The following ZNF652 variants were observed in gnomAD, a reference collection of about 807,000 sequenced individuals.
The protein encoded by ZNF652 is zinc finger protein 652.
Under a neutral mutation model 45.2 loss-of-function variants are expected in ZNF652, and 16 were observed. The ratio of observed to expected loss-of-function variants is 0.35; its 90% confidence interval spans 0.24 to 0.54. The LOEUF is 0.54. ZNF652 is among the 20% of genes least tolerant of loss of function. ZNF652 has a pLI of 0.91. For synonymous variants in ZNF652, 250 were observed against 260.6 expected (o/e 0.96, Z 0.39); for missense variants, 614 against 765.6 (o/e 0.80, Z 2.34).
chr17:49,346,579 T>C (rs549673875), intron 1 of ZNF652, among the ~76,000 whole-genome samples: 1 of 152,160 alleles, frequency 6.6e-6, no homozygotes. Context: ...ACTATTCCTA[T>C]AGGGCCACAT....
intron 1 of ZNF652, among the ~76,000 whole-genome samples, chr17:49,345,558 T>A (rs904218005): frequency 1.3e-5 from 2 of 149,714 alleles, no homozygotes; most frequent in African/African-American, 2.4e-5. Flanking sequence ...AGAAATGAAG[T>A]AGGCCGGGCG....
chr17:49,356,158 T>C (rs2070333897), intron 1 of ZNF652, among the ~76,000 whole-genome samples: 1 of 151,968 alleles, frequency 6.6e-6, no homozygotes. Flanking sequence ...CCGGGCGCAG[T>C]GGCTCACACC....
chr17:49,345,861 G>C (rs900918731), intron 1 of ZNF652, among the ~76,000 whole-genome samples: 1 of 148,216 alleles, frequency 6.7e-6, no homozygotes, highest in African/African-American at 2.5e-5. Flanking sequence ...AAAAAGAAAT[G>C]AAGTAATCAA....
chr17:49,313,871 G>A (rs2069754121), intron 2 of ZNF652, among the ~76,000 whole-genome samples: 1 of 148,560 alleles, frequency 6.7e-6, no homozygotes, highest in Non-Finnish European at 1.5e-5. Flanking sequence ...TACTCAGGAG[G>A]CTGAGGCAGG....
At position 49,298,121 on chromosome 17, in the gene ZNF652, G is replaced by C. The variant is rs1197579322; in HGVS notation, c.*292C>G. On this transcript the variant is annotated 3_prime_UTR_variant, in exon 6 of 6. Transcript: ENST00000430262. Reference sequence around the variant, plus strand: ...GCAAGCATACCTCATCAGCTGATATGAAATTATAAAATTCCACAAGTCTGA... The same window carrying C: ...GCAAGCATACCTCATCAGCTGATATCAAATTATAAAATTCCACAAGTCTGA... 2 of 415,760 alleles carry C rather than the reference G, an allele frequency of 4.8e-6. No individual in the cohort carries two copies. The highest frequency in any genetic ancestry group is 2.0e-5 in the African/African-American group (1 of 49,110). The allele number at this position is 415,760 out of a possible 1,614,324, so 25.8% of individuals were successfully genotyped here.
chr17:49,301,010 C>T (rs993308376), intron 5 of ZNF652, among the ~76,000 whole-genome samples: 1 of 152,170 alleles, frequency 6.6e-6, no homozygotes, highest in Non-Finnish European at 1.5e-5. Flanking sequence ...ACTCAACATG[C>T]ATTTCTGCAC....
rs977652861 is a variant in ZNF652, at chr17:49,297,827, T to C, written c.*586A>G. Reference sequence around the variant, plus strand: ...AGAAACAGACTACCAAAGAAGTCTATACAAAAACTCTAAAATAATTTCTGT... The same window carrying C: ...AGAAACAGACTACCAAAGAAGTCTACACAAAAACTCTAAAATAATTTCTGT... On this transcript the variant is annotated 3_prime_UTR_variant, in exon 6 of 6. Transcript: ENST00000430262. 6.5e-6 allele frequency: 1 copy of C among 152,792 alleles called. No individual in the cohort carries two copies. The highest frequency in any genetic ancestry group is 1.5e-5 in the Non-Finnish European group (1 of 68,158). 9.5% of individuals were successfully genotyped at this position (152,792 alleles called of 1,614,324 possible). A position where few individuals can be genotyped will look rare whatever the true frequency, so the allele number is the denominator to read the frequency against.
intron 1 of ZNF652, among the ~76,000 whole-genome samples, chr17:49,350,971 A>ATGTGTG (rs1491360202): frequency 4.9e-3 from 70 of 14,246 alleles, no homozygotes; most frequent in Non-Finnish European, 3.8e-3. Context: ...CTCTGTCTAC[A>ATGTGTG]TATATATATA....
At position 49,317,637 on chromosome 17, in the gene ZNF652, C is replaced by T; in HGVS notation, c.89G>A (p.Gly30Asp). ...AGMAQEDSRR[G>D]QVPSSFYHGA... ...ATGATAAAAGGAAGATGGCACTTGA[C>T]CACGACGGCTATCTTCTTGTGCCAT... Residue 30 changes from glycine to aspartate, a missense_variant, in exon 2 of 6, where the codon GGT (glycine) becomes GAT (aspartate). Transcript: ENST00000430262. 3 of 1,613,974 alleles carry T rather than the reference C, an allele frequency of 1.9e-6. No individual in the cohort carries two copies. The highest frequency in any genetic ancestry group is 2.2e-5 in the South Asian group (2 of 91,080).
intron 5 of ZNF652, among the ~76,000 whole-genome samples, chr17:49,305,132 C>G (rs1428066148): frequency 6.6e-6 from 1 of 152,048 alleles, no homozygotes; most frequent in Non-Finnish European, 1.5e-5. Flanking sequence ...CTTGATTCTT[C>G]CCTTCTATGC....
At chr17:49,306,364 A>G (rs1031231994) in intron 5 of ZNF652, among the ~76,000 whole-genome samples, 1 of 152,270 alleles carries the variant, frequency 6.6e-6, no homozygotes, top group Non-Finnish European at 1.5e-5. Context: ...GCAAATTAAT[A>G]TAAGAAATCA....
chr17:49,330,848 C>T (rs188685806), intron 1 of ZNF652, among the ~76,000 whole-genome samples: 2 of 151,096 alleles, frequency 1.3e-5, no homozygotes, highest in Non-Finnish European at 2.9e-5. Context: ...ATTGGGAGTT[C>T]GAGACCAGCC....
rs1379279848 is a variant in ZNF652 at position 49,362,140 on chromosome 17, G to A, written c.-490C>T. On this transcript the variant is annotated 5_prime_UTR_variant, in exon 1 of 6. Transcript: ENST00000430262. ...CCGACGTCTCGCGACTCCCTTCCCA[G>A]CGCGCGAGGGCGAGCGGGGCCGGCG... 6.6e-6 allele frequency: 1 copy of A among 150,478 alleles called. No individual in the cohort carries two copies. Among genetic ancestry groups the A allele is most frequent in the Non-Finnish European group, 1.5e-5 (1 of 67,208 alleles). The allele number at this position is 150,478 out of a possible 1,614,324, so 9.3% of individuals were successfully genotyped here. A position where few individuals can be genotyped will look rare whatever the true frequency, so the allele number is the denominator to read the frequency against.
chr17:49,351,450 G>A (rs1267946836), intron 1 of ZNF652, among the ~76,000 whole-genome samples: 2 of 151,786 alleles, frequency 1.3e-5, no homozygotes, highest in African/African-American at 4.8e-5. Flanking sequence ...ACAGACACAG[G>A]CATACTGTAT....
At chr17:49,322,972 CAA>C (rs1368968951) in intron 1 of ZNF652, among the ~76,000 whole-genome samples, 1 of 152,188 alleles carries the variant, frequency 6.6e-6, no homozygotes, top group Non-Finnish European at 1.5e-5. Flanking sequence ...GGTCTTGCTT[CAA>C]TGTTGATGGC....
Position 49,292,532 on chromosome 17 carries a change from A to G in ZNF652, c.*5881T>C, listed in dbSNP as rs2069417248. Among the ~76,000 whole-genome samples the G allele has an allele frequency of 6.6e-6, 1 of 152,184 alleles. No individual in the cohort carries two copies. The highest frequency in any genetic ancestry group is 1.5e-5 in the Non-Finnish European group (1 of 68,040). ...TTTTAAATTAATTTGACTAAAATAA[A>G]GAGTATAGTCTTGCAAAATGTGTAC... On this transcript the variant is annotated 3_prime_UTR_variant, in exon 6 of 6. Coordinates refer to ENST00000430262, the MANE Select transcript of ZNF652 (RefSeq NM_001145365.3).
At chr17:49,326,310 C>A (rs2069956103) in intron 1 of ZNF652, among the ~76,000 whole-genome samples, 1 of 150,712 alleles carries the variant, frequency 6.6e-6, no homozygotes, top group African/African-American at 2.4e-5. Flanking sequence ...GAACCTGGAG[C>A]TGACAGGAGA....
intron 2 of ZNF652, among the ~76,000 whole-genome samples, chr17:49,315,478 T>C (rs976468388): frequency 2.6e-5 from 4 of 151,620 alleles, no homozygotes; most frequent in African/African-American, 4.9e-5. Flanking sequence ...AATTTAAAAG[T>C]AGTATGATGA....
chr17:49,340,590 A>T (rs2070135689), intron 1 of ZNF652, among the ~76,000 whole-genome samples: 1 of 142,740 alleles, frequency 7.0e-6, no homozygotes, highest in Admixed American at 6.9e-5. Context: ...GAAAAAATAT[A>T]TTTTGGAATT....
Sources: allele counts gnomAD v4.1 joint callset (sites outside exome capture counted in the v4.1 genomes callset), GRCh38; gene constraint gnomAD v4.1.1; transcripts MANE v1.5; gene names NCBI Gene and HGNC (gene_info 2026-07-23, HGNC 2026-07-21).